Variants in DNASE2 observed in about 807,000 individuals in gnomAD.
DNASE2 encodes the protein deoxyribonuclease 2, lysosomal, also known as deoxyribonuclease-2-alpha.
DNASE2 carries 26 observed loss-of-function variants against 29.8 expected under a neutral mutation model. That is an observed-to-expected ratio of 0.87 (90% CI 0.64 to 1.21). The LOEUF is 1.21. DNASE2 is among the 50% of genes most tolerant of loss of function. The pLI is 0.00. For missense variants in DNASE2, 415 were observed against 455.6 expected, an observed-to-expected ratio of 0.91 and a Z score of 0.81; for synonymous variants, 186 against 193.5, an observed-to-expected ratio of 0.96 and a Z score of 0.32.
intron 5 of DNASE2, 121 bp downstream of exon 5, chr19:12,878,261 T>A: frequency 7.8e-7 from 1 of 1,285,036 alleles, no homozygotes; most frequent in Non-Finnish European, 1.1e-6. Context: ...TGTTCACTGA[T>A]CATGTGATTA....
intron 3 of DNASE2, 129 bp downstream of exon 3, chr19:12,880,673 A>G: frequency 7.6e-7 from 1 of 1,317,624 alleles, no homozygotes; most frequent in Non-Finnish European, 1.1e-6. Context: ...ACAAAGAAAA[A>G]AAAAAGTTGG....
Position 12,875,916 on chromosome 19 carries a change from CA to C in DNASE2, c.*73del. The C allele has an allele frequency of 1.9e-6, 3 of 1,586,554 alleles. No homozygotes were observed. The highest frequency in any genetic ancestry group is 2.6e-6 in the Non-Finnish European group (3 of 1,168,404). ...CAGGCTGGTCTCGAATTCCTGAGTT[CA>C]AGTGATCCTCCCTCCTTGGCTTCCC... On this transcript the variant is annotated 3_prime_UTR_variant, in exon 6 of 6. Transcript: ENST00000222219.
intron 5 of DNASE2, 50 bp downstream of exon 5, chr19:12,878,332 C>G (rs781716298): frequency 6.2e-7 from 1 of 1,608,988 alleles, no homozygotes; most frequent in South Asian, 1.1e-5. Flanking sequence ...CCACACCAGT[C>G]ACCCTGTCTG....
At chr19:12,876,557 T>G (rs959156261) in intron 5 of DNASE2, among the ~76,000 whole-genome samples, 194 bp from the exon 6 acceptor site, 23 of 150,682 alleles carry the variant, frequency 1.5e-4, no homozygotes, top group African/African-American at 5.4e-4. Context: ...CCTCCGAGGT[T>G]CAAGTGATTC....
At chr19:12,876,516 T>C (rs1302346039) in intron 5 of DNASE2, among the ~76,000 whole-genome samples, 153 bp from the exon 6 acceptor site, 1 of 146,422 alleles carries the variant, frequency 6.8e-6, no homozygotes, top group African/African-American at 2.6e-5. Flanking sequence ...CTAGAGTGCA[T>C]TGGTGCAATC....
rs190472784 is a variant in DNASE2, at chr19:12,880,958, G to T, written c.267+14C>A. Reference sequence around the variant, plus strand: ...CTAGAGTTTCGCCCCTAGTTGGCCCGGGGCCCCCTTCACCTGGCTGGTGTT... The same window carrying T: ...CTAGAGTTTCGCCCCTAGTTGGCCCTGGGCCCCCTTCACCTGGCTGGTGTT... On this transcript the variant is annotated intron_variant, in intron 2 of 5. Coordinates refer to ENST00000222219, the MANE Select transcript of DNASE2 (RefSeq NM_001375.3). The T allele has an allele frequency of 4.1e-4, 665 of 1,614,182 alleles. 1 individual carries two copies. In the African/African-American group the frequency reaches 7.3e-3, roughly 18 times the overall value.
Position 12,875,304 on chromosome 19 carries a change from A to G in DNASE2, c.*686T>C, listed in dbSNP as rs1486972424. On this transcript the variant is annotated 3_prime_UTR_variant, in exon 6 of 6. Coordinates refer to ENST00000222219, the MANE Select transcript of DNASE2 (RefSeq NM_001375.3). Reference sequence around the variant, plus strand: ...AGGTAGACTGTGTCACAGAGCGGTTAAGGCACACAATCAAGGTCATACAGC... The same window carrying G: ...AGGTAGACTGTGTCACAGAGCGGTTGAGGCACACAATCAAGGTCATACAGC... 1.0e-5 allele frequency: 2 copies of G among 199,788 alleles called. No homozygotes were observed. The highest frequency in any genetic ancestry group is 4.6e-5 in the African/African-American group (2 of 43,154). 12.4% of individuals were successfully genotyped at this position (199,788 alleles called of 1,614,324 possible).
rs373407676 is a variant in DNASE2 at position 12,880,768 on chromosome 19, C to T, written c.346+34G>A. ...GGGGTTACCTTGGAAAAATGGGACCCGAGTCTCTCCCCAGCCCCCAATCCA... is the reference window on the plus strand; with the variant it reads ...GGGGTTACCTTGGAAAAATGGGACCTGAGTCTCTCCCCAGCCCCCAATCCA... On this transcript the variant is annotated intron_variant, in intron 3 of 5. Coordinates refer to ENST00000222219, the MANE Select transcript of DNASE2 (RefSeq NM_001375.3). The T allele has an allele frequency of 8.7e-6, 14 of 1,613,744 alleles. No homozygotes were observed. The African/African-American group carries it at 1.9e-4, about 22-fold the overall frequency.
chr19:12,879,533 C>A (rs1970357486), intron 3 of DNASE2, among the ~76,000 whole-genome samples: 1 of 151,634 alleles, frequency 6.6e-6, no homozygotes, highest in African/African-American at 2.4e-5. Flanking sequence ...CTCCAGGCCT[C>A]CCAGCAAGCT....
rs919347845 is a variant in DNASE2 at position 12,875,937 on chromosome 19, C to T, written c.*53G>A. ...AGTTCAAGTGATCCTCCCTCCTTGG[C>T]TTCCCAAAGTGCTGGGATTACATAC... On this transcript the variant is annotated 3_prime_UTR_variant, in exon 6 of 6. Transcript: ENST00000222219. The T allele has an allele frequency of 1.2e-6, 2 of 1,603,832 alleles. No homozygotes were observed. The highest frequency in any genetic ancestry group is 2.7e-5 in the African/African-American group (2 of 74,802).
intron 5 of DNASE2, among the ~76,000 whole-genome samples, chr19:12,877,125 A>C (rs1049381109): frequency 6.6e-6 from 1 of 152,122 alleles, no homozygotes; most frequent in Non-Finnish European, 1.5e-5. Context: ...GAGTTTCACC[A>C]TGTTGGCCAG....
rs764367413 is a variant in DNASE2 at position 12,878,591 on chromosome 19, G to A, written c.512-12C>T. 4 of 1,613,916 alleles carry A rather than the reference G, an allele frequency of 2.5e-6. No homozygotes were observed. The highest frequency in any genetic ancestry group is 2.5e-6 in the Non-Finnish European group (3 of 1,179,966). ...GGTCAGCTGCTTGCCTGGAGGACAAGGGGAGGAGGAAATGCAAGATCGTTC... is the reference window on the plus strand; with the variant it reads ...GGTCAGCTGCTTGCCTGGAGGACAAAGGGAGGAGGAAATGCAAGATCGTTC... On this transcript the variant is annotated splice_polypyrimidine_tract_variant and intron_variant, in intron 4 of 5. Transcript: ENST00000222219.
chr19:12,881,074 G>A lies in DNASE2; in HGVS notation c.165C>T (p.Asp55=), dbSNP rs776901543. The change falls in exon 2 of 6, where the codon GAC becomes GAT. Residue 55 remains aspartate (D), a synonymous_variant. Transcript: ENST00000222219. ...CGTCCCGCCAGCCTCCGGAGCTCTC[G>A]TCCAGATACTTGTACTGCAGCCCTC... is the stretch of plus-strand genomic sequence containing the variant. ...AQRGLQYKYL[D]ESSGGWRDGR... 2.5e-6 allele frequency: 4 copies of A among 1,612,616 alleles called. No homozygotes were observed. The South Asian group carries it at 4.4e-5, about 18-fold the overall frequency.
rs1216115159 is a variant in DNASE2 at position 12,878,485 on chromosome 19, C to G, written c.606G>C (p.Lys202Asn). ...AGGGTTCTTGGCTAACGTGGTGGCC[C>G]TTGACCACATTCTCCAAGTCGGGGA... ...QEFPDLENVVKGHHVSQEPWN... is the reference protein window; with the variant it reads ...QEFPDLENVVNGHHVSQEPWN... Residue 202 changes from lysine (K) to asparagine (N), a missense_variant, in exon 5 of 6, where the codon AAG (lysine) becomes AAC (asparagine). Transcript: ENST00000222219. The G allele has an allele frequency of 1.2e-6, 2 of 1,613,982 alleles. No homozygotes were observed. The highest frequency in any genetic ancestry group is 1.7e-6 in the Non-Finnish European group (2 of 1,180,046).
rs1160634098 is a variant in DNASE2 at position 12,875,901 on chromosome 19, T to C, written c.*89A>G. 1.9e-6 allele frequency: 3 copies of C among 1,556,150 alleles called. No individual in the cohort carries two copies. In the African/African-American group the frequency reaches 4.1e-5, roughly 21 times the overall value. ...TCTCACTATGTAGCCCAGGCTGGTCTCGAATTCCTGAGTTCAAGTGATCCT... is the reference window on the plus strand; with the variant it reads ...TCTCACTATGTAGCCCAGGCTGGTCCCGAATTCCTGAGTTCAAGTGATCCT... On this transcript the variant is annotated 3_prime_UTR_variant, in exon 6 of 6. Coordinates refer to ENST00000222219, the MANE Select transcript of DNASE2 (RefSeq NM_001375.3).
intron 5 of DNASE2, 176 bp downstream of exon 5, chr19:12,878,206 G>T: frequency 1.3e-6 from 1 of 756,544 alleles, no homozygotes; most frequent in Non-Finnish European, 2.3e-6. Context: ...AGGCTCAGGT[G>T]AAGTTATACA....
In DNASE2 at chr19:12,881,015, A is replaced by G; in HGVS notation, c.224T>C (p.Val75Ala). Residue 75 changes from valine (V) to alanine (A), a missense_variant, in exon 2 of 6, where the codon GTG (valine) becomes GCG (alanine). By Grantham distance (64) the Val-to-Ala change is moderately conservative (BLOSUM62 0). Coordinates refer to ENST00000222219, the MANE Select transcript of DNASE2 (RefSeq NM_001375.3). Reference protein sequence around the residue: ...RALINSPEGAVGRSLQPLYRS... With the variant: ...RALINSPEGAAGRSLQPLYRS... ...GTACAGCGGCTGCAGGCTTCGGCCC[A>G]CGGCCCCCTCCGGGCTGTTGATGAG... 6.2e-7 allele frequency: 1 copy of G among 1,613,876 alleles called. No homozygotes were observed. The highest frequency in any genetic ancestry group is 1.1e-5 in the South Asian group (1 of 91,080).
At chr19:12,878,340 C>T (rs1970341632) in intron 5 of DNASE2, 42 bp downstream of exon 5, 2 of 1,611,000 alleles carry the variant, frequency 1.2e-6, no homozygotes, top group Non-Finnish European at 8.5e-7. Flanking sequence ...GTCACCCTGT[C>T]TGCAGAGAAG....
At position 12,878,764 on chromosome 19, in the gene DNASE2, G is replaced by T. The variant is rs1191294136; in HGVS notation, c.417C>A (p.Ala139=). Residue 139 remains alanine, a synonymous_variant, in exon 4 of 6, where the codon GCC becomes GCA. Coordinates refer to ENST00000222219, the MANE Select transcript of DNASE2 (RefSeq NM_001375.3). The part of the protein sequence containing the change: ...VHSVPNFPPP[A]SSAAYSWPHS... ...GAGGCCAGCTGTATGCAGCAGAGGA[G>T]GCCGGTGGAGGGAAGTTAGGTACAC... is the stretch of plus-strand genomic sequence containing the variant. 6.2e-7 allele frequency: 1 copy of T among 1,614,096 alleles called. No individual in the cohort carries two copies. Among genetic ancestry groups the T allele is most frequent in the East Asian group, 2.2e-5 (1 of 44,876 alleles).
Sources: gnomAD v4.1 joint callset for allele counts (sites outside exome capture counted in the v4.1 genomes callset) on GRCh38, gnomAD v4.1.1 for gene constraint, MANE v1.5 for transcripts, NCBI Gene and HGNC (gene_info 2026-07-23, HGNC 2026-07-21) for gene names.